Variants in MTOR observed in about 807,000 individuals in gnomAD.
The protein encoded by MTOR is mechanistic target of rapamycin kinase.
A neutral mutation model predicts 319.8 loss-of-function variants in MTOR; 70 were observed. The observed-to-expected ratio is 0.22, with a 90% confidence interval of 0.18 to 0.27. The LOEUF (loss-of-function observed/expected upper bound fraction) is 0.27, where lower values mean the gene tolerates loss of function less well. MTOR is among the 10% of genes least tolerant of loss of function. The probability of loss-of-function intolerance (pLI) is 1.00; values close to 1 mark genes in which losing one functional copy is unlikely to be tolerated. For synonymous variants in MTOR, 1,183 were observed against 1,211.4 expected (o/e 0.98, Z 0.49); for missense variants, 1,890 against 3,274.4 (o/e 0.58, Z 10.32).
At chr1:11,211,141 C>T (rs746489493) in intron 23 of MTOR, among the ~76,000 whole-genome samples, 6 of 152,202 alleles carry the variant, frequency 3.9e-5, no homozygotes, top group African/African-American at 7.2e-5. Context: ...CTTGCCCCCG[C>T]AGCCTATTTT....
At chr1:11,120,563 G>A (rs1642469307) in intron 49 of MTOR, among the ~76,000 whole-genome samples, 1 of 151,826 alleles carries the variant, frequency 6.6e-6, no homozygotes, top group Non-Finnish European at 1.5e-5. Context: ...TGTTGCCCAG[G>A]CTGGTATTGA....
intron 6 of MTOR, among the ~76,000 whole-genome samples, chr1:11,249,778 C>G (rs1649363596): frequency 6.8e-6 from 1 of 147,394 alleles, no homozygotes; most frequent in Non-Finnish European, 1.5e-5. Context: ...AAGAATTTTT[C>G]TTAGTACAGA....
At chr1:11,157,532 C>T (rs894056784) in intron 29 of MTOR, among the ~76,000 whole-genome samples, 2 of 152,178 alleles carry the variant, frequency 1.3e-5, no homozygotes, top group Non-Finnish European at 2.9e-5. Context: ...TGAGAGCAGA[C>T]GTCAGGCCAT....
At chr1:11,126,094 C>T (rs1355537275) in intron 46 of MTOR, among the ~76,000 whole-genome samples, 1 of 149,638 alleles carries the variant, frequency 6.7e-6, no homozygotes, top group African/African-American at 2.5e-5. Context: ...GCCACCACAG[C>T]ACTCAGGCCT....
intron 28 of MTOR, among the ~76,000 whole-genome samples, chr1:11,180,787 T>TG (rs1393561287): frequency 6.6e-6 from 1 of 152,010 alleles, no homozygotes; most frequent in Non-Finnish European, 1.5e-5. Flanking sequence ...GCAGGTTTTT[T>TG]TTTTTTTTTT....
At chr1:11,107,588 G>A in intron 57 of MTOR, 88 bp from the exon 58 acceptor site, 2 of 1,428,732 alleles carry the variant, frequency 1.4e-6, no homozygotes, top group Non-Finnish European at 1.9e-6. Flanking sequence ...AAAGGCCAAG[G>A]TCTGACAACC....
chr1:11,197,219 G>A (rs17452813), intron 28 of MTOR, among the ~76,000 whole-genome samples: 2,644 of 152,290 alleles, frequency 0.017, 83 homozygotes, highest in Admixed American at 0.076. Flanking sequence ...AAAACCAACA[G>A]TGGGAAAAGA....
chr1:11,243,293 C>T lies in MTOR; in HGVS notation c.1233G>A (p.Gln411=), dbSNP rs1309669290. 1.9e-6 allele frequency: 3 copies of T among 1,613,848 alleles called. No homozygotes were observed. The highest frequency in any genetic ancestry group is 2.5e-6 in the Non-Finnish European group (3 of 1,179,866). Residue 411 remains glutamine (Q), a synonymous_variant, in exon 9 of 58, where the codon CAG becomes CAA. Coordinates refer to ENST00000361445, the MANE Select transcript of MTOR (RefSeq NM_004958.4). ...CATGGTTCATGGTATCTTGGAGATA[C>T]TGGGTATCTGAGCACAGAAAAGACA... ...AFRPSAFTDT[Q]YLQDTMNHVL... is the part of the protein sequence containing the mutation.
chr1:11,116,548 G>C (rs1642177890), intron 50 of MTOR, among the ~76,000 whole-genome samples: 2 of 152,132 alleles, frequency 1.3e-5, no homozygotes, highest in African/African-American at 4.8e-5. Context: ...AGGCTCAAGT[G>C]ATCCTCCCAC....
At chr1:11,232,839 C>T (rs984815661) in intron 15 of MTOR, 1 of 514,820 alleles carries the variant, frequency 1.9e-6, no homozygotes, top group Non-Finnish European at 3.5e-6. Flanking sequence ...CACACCACTG[C>T]ACTCCAGCCT....
At chr1:11,208,955 G>A (rs531632940) in intron 25 of MTOR, among the ~76,000 whole-genome samples, 1 of 152,312 alleles carries the variant, frequency 6.6e-6, no homozygotes, top group African/African-American at 2.4e-5. Context: ...ATGAGTTTGA[G>A]AAGTTTGAAA....
At chr1:11,253,740 C>T (rs1034572294) in intron 6 of MTOR, 99 bp downstream of exon 6, 18 of 1,349,584 alleles carry the variant, frequency 1.3e-5, no homozygotes, top group Non-Finnish European at 1.7e-5. Context: ...ATGTTTCCTG[C>T]CACAAAATGT....
chr1:11,136,990 C>T (rs1372772777), intron 36 of MTOR, among the ~76,000 whole-genome samples: 1 of 151,410 alleles, frequency 6.6e-6, no homozygotes, highest in East Asian at 1.9e-4. Flanking sequence ...TACAGGTATG[C>T]ATCACCACAC....
chr1:11,151,969 G>T (rs562931259), intron 30 of MTOR, among the ~76,000 whole-genome samples: 43 of 152,130 alleles, frequency 2.8e-4, no homozygotes, highest in Non-Finnish European at 5.6e-4. Context: ...CCCACAAATT[G>T]TTACCCCAAG....
chr1:11,121,963 T>C lies in MTOR; in HGVS notation c.6810+16A>G, dbSNP rs2100361273. The C allele has an allele frequency of 1.9e-6, 3 of 1,613,508 alleles. No individual in the cohort carries two copies. The highest frequency in any genetic ancestry group is 2.5e-6 in the Non-Finnish European group (3 of 1,179,688). ...GCCACGGAAGGGGCACTAGCTCTCG[T>C]GGCCGCATCACATACCCGCAACATG... On this transcript the variant is annotated intron_variant, in intron 48 of 57. Coordinates refer to ENST00000361445, the MANE Select transcript of MTOR (RefSeq NM_004958.4). This position sits in a 1 kb window ranked among gnomAD's most constrained non-coding sequence, Gnocchi z 4.9.
intron 11 of MTOR, 146 bp from the exon 12 acceptor site, chr1:11,238,763 C>CTTT: frequency 1.6e-6 from 1 of 607,504 alleles, no homozygotes; most frequent in Non-Finnish European, 2.7e-6. Context: ...ACCCGGAACT[C>CTTT]TTCTTTTTTT....
chr1:11,131,260 G>A, intron 38 of MTOR: 1 of 173,478 alleles, frequency 5.8e-6, no homozygotes, highest in Non-Finnish European at 1.2e-5. Flanking sequence ...GGCCAGAGAT[G>A]TGCAGATTGG....
rs1557753408 is a variant in MTOR at position 11,127,363 on chromosome 1, C to CGAGAT, written c.6217-224_6217-220dup. ...AGGGAAGGAAGGGTGAGAGGAGAGA[C>CGAGAT]GAGATGACCTCTTGAGAAATCTTGG... On this transcript the variant is annotated intron_variant, in intron 44 of 57. Coordinates refer to ENST00000361445, the MANE Select transcript of MTOR (RefSeq NM_004958.4). The surrounding 1 kb of genome is among the most constrained non-coding windows in gnomAD (Gnocchi z 5.5). 6.6e-6 allele frequency among the ~76,000 whole-genome samples: 1 copy of CGAGAT among 152,152 alleles called. No individual in the cohort carries two copies. Among genetic ancestry groups the CGAGAT allele is most frequent in the Non-Finnish European group, 1.5e-5 (1 of 68,030 alleles).
intron 5 of MTOR, among the ~76,000 whole-genome samples, chr1:11,255,148 G>A (rs914765763): frequency 6.6e-6 from 1 of 152,050 alleles, no homozygotes; most frequent in Non-Finnish European, 1.5e-5. Flanking sequence ...ACTTTGGGAG[G>A]TCAAGGCAGG....
Sources: allele counts gnomAD v4.1 joint callset (sites outside exome capture counted in the v4.1 genomes callset), GRCh38; gene constraint gnomAD v4.1.1; non-coding constraint Gnocchi (gnomAD v3.1); transcripts MANE v1.5; gene names NCBI Gene and HGNC (gene_info 2026-07-23, HGNC 2026-07-21).